CNTNAP5: variants seen among roughly 807,000 people sequenced by gnomAD.
CNTNAP5 encodes contactin associated protein family member 5.
In CNTNAP5, 72 loss-of-function variants were observed where a neutral mutation model predicts 150.2. The ratio of observed to expected loss-of-function variants is 0.48; its 90% confidence interval spans 0.40 to 0.58. CNTNAP5 has a LOEUF of 0.58. Among genes scored for constraint, CNTNAP5 ranks in the 20% least tolerant of loss-of-function variants. The pLI, the probability that CNTNAP5 is intolerant of heterozygous loss-of-function variation, is 0.00. For synonymous variants in CNTNAP5, 672 were observed against 619.8 expected, an observed-to-expected ratio of 1.08 and a Z score of -1.25; for missense variants, 1,636 against 1,626.2, an observed-to-expected ratio of 1.01 and a Z score of -0.10.
chr2:124,028,456 T>C (rs957536586), intron 1 of CNTNAP5, among the ~76,000 whole-genome samples: 2 of 152,128 alleles, frequency 1.3e-5, no homozygotes, highest in Admixed American at 1.3e-4. Flanking sequence ...AAAGTCAGGT[T>C]AGAAGGGCCA....
At chr2:124,397,960 T>G (rs1221310027) in intron 3 of CNTNAP5, among the ~76,000 whole-genome samples, 4 of 152,224 alleles carry the variant, frequency 2.6e-5, no homozygotes, top group Admixed American at 1.3e-4. Context: ...AGGAAATAAT[T>G]TCATGATAAC....
chr2:124,501,986 A>G lies in CNTNAP5; in HGVS notation c.1063-2306A>G, dbSNP rs73956305. 2.8e-3 allele frequency among the ~76,000 whole-genome samples: 430 copies of G among 152,274 alleles called. 7 individuals carry two copies. Among genetic ancestry groups the G allele is most frequent in the African/African-American group, 9.7e-3 (404 of 41,564 alleles). On this transcript the variant is annotated intron_variant, in intron 7 of 23. Coordinates refer to ENST00000682447, the MANE Select transcript of CNTNAP5 (RefSeq NM_001367498.1). ...CACAGGGGCAAGAATGATAGAGGGA[A>G]GTGTGAAGGGAATCGGGGGAAGGGA...
intron 11 of CNTNAP5, among the ~76,000 whole-genome samples, chr2:124,598,519 G>A (rs200124952): frequency 2.5e-4 from 30 of 118,972 alleles, no homozygotes; most frequent in African/African-American, 6.8e-4. Context: ...CTCCAGCTGC[G>A]TGCTGGGAGA....
chr2:124,845,966 T>A (rs1467776507), intron 19 of CNTNAP5, among the ~76,000 whole-genome samples: 7 of 150,674 alleles, frequency 4.6e-5, no homozygotes, highest in Non-Finnish European at 8.8e-5. Flanking sequence ...CTTCTGTATT[T>A]TGTCATTTTT....
intron 1 of CNTNAP5, among the ~76,000 whole-genome samples, chr2:124,025,972 G>T (rs144484381): frequency 1.3e-3 from 192 of 152,276 alleles, no homozygotes; most frequent in Non-Finnish European, 2.2e-3. Context: ...GATAAGGAAA[G>T]GTTTCTCTTC....
intron 17 of CNTNAP5, among the ~76,000 whole-genome samples, chr2:124,775,389 C>T (rs148620024): frequency 8.5e-5 from 13 of 152,238 alleles, no homozygotes; most frequent in East Asian, 3.9e-4. Flanking sequence ...ATATCATTGG[C>T]GTGTGCTTCT....
In CNTNAP5 at chr2:124,198,242, C is replaced by T. The variant is rs138028407; in HGVS notation, c.83-23463C>T. On this transcript the variant is annotated intron_variant, in intron 1 of 23. Coordinates refer to ENST00000682447, the MANE Select transcript of CNTNAP5 (RefSeq NM_001367498.1). ...GAATATTTTTCTACTGGGCCATCTG[C>T]CTTCTTTCAAATCGATTTGTAGAAA... Among the ~76,000 whole-genome samples, 7 of 151,916 alleles carry T rather than the reference C, an allele frequency of 4.6e-5. No individual in the cohort carries two copies. The East Asian group carries it at 9.7e-4, about 21-fold the overall frequency.
At chr2:124,724,175 A>AATAATAATGATG (rs539558593) in intron 13 of CNTNAP5, among the ~76,000 whole-genome samples, 3 of 149,658 alleles carry the variant, frequency 2.0e-5, no homozygotes, top group African/African-American at 7.4e-5. Context: ...TAATAATAAT[A>AATAATAATGATG]ATGATGATAC....
intron 1 of CNTNAP5, among the ~76,000 whole-genome samples, chr2:124,116,200 G>A (rs1008101733): frequency 2.6e-5 from 4 of 152,146 alleles, no homozygotes; most frequent in Non-Finnish European, 4.4e-5. Context: ...CTGGATAGTA[G>A]CTGAGGTTGT....
intron 16 of CNTNAP5, among the ~76,000 whole-genome samples, chr2:124,772,317 C>T (rs920024305): frequency 2.0e-5 from 3 of 152,110 alleles, no homozygotes; most frequent in Non-Finnish European, 2.9e-5. Flanking sequence ...TTGGACAAGG[C>T]GATACAACTT....
intron 1 of CNTNAP5, among the ~76,000 whole-genome samples, chr2:124,117,549 T>G (rs1396527470): frequency 6.6e-6 from 1 of 152,314 alleles, no homozygotes; most frequent in East Asian, 1.9e-4. Flanking sequence ...AGGAAAAGAA[T>G]ATTTAAACAA....
chr2:124,446,991 G>A, intron 6 of CNTNAP5, 54 bp downstream of exon 6: 3 of 1,554,728 alleles, frequency 1.9e-6, no homozygotes, highest in Non-Finnish European at 2.6e-6. Flanking sequence ...AATGAACGCA[G>A]CAAGAAAATC....
intron 14 of CNTNAP5, among the ~76,000 whole-genome samples, chr2:124,753,993 G>A (rs1680785258): frequency 6.6e-6 from 1 of 152,146 alleles, no homozygotes; most frequent in Non-Finnish European, 1.5e-5. Flanking sequence ...CTCCCCAAGG[G>A]CCCTGCATTC....
intron 10 of CNTNAP5, among the ~76,000 whole-genome samples, chr2:124,555,470 A>C (rs1695731247): frequency 1.3e-5 from 2 of 152,192 alleles, no homozygotes; most frequent in South Asian, 4.1e-4. Context: ...GGATTCAAAG[A>C]CCAAATATGA....
chr2:124,367,986 C>T (rs886729296), intron 3 of CNTNAP5, among the ~76,000 whole-genome samples: 11 of 152,244 alleles, frequency 7.2e-5, no homozygotes, highest in Non-Finnish European at 5.9e-5. Context: ...GAGAGTGTCA[C>T]GCTGGACATC....
chr2:124,175,955 A>G (rs1490153528), intron 1 of CNTNAP5, among the ~76,000 whole-genome samples: 1 of 152,202 alleles, frequency 6.6e-6, no homozygotes, highest in Admixed American at 6.5e-5. Context: ...TTGGGTCTAT[A>G]TGTGGTAATA....
chr2:124,300,177 A>C (rs1688539727), intron 3 of CNTNAP5, among the ~76,000 whole-genome samples: 1 of 152,226 alleles, frequency 6.6e-6, no homozygotes, highest in Non-Finnish European at 1.5e-5. Context: ...TCTGTGGATG[A>C]GAAAATCTAT....
chr2:124,443,851 T>A (rs886618403), intron 5 of CNTNAP5, among the ~76,000 whole-genome samples: 5 of 143,508 alleles, frequency 3.5e-5, no homozygotes, highest in African/African-American at 7.7e-5. Flanking sequence ...TGTGTGTGTG[T>A]GATGTATAAT....
chr2:124,343,540 A>G (rs561714102), intron 3 of CNTNAP5, among the ~76,000 whole-genome samples: 4 of 152,320 alleles, frequency 2.6e-5, no homozygotes, highest in African/African-American at 9.6e-5. Flanking sequence ...ATAAAATCAC[A>G]GGTCACCATA....
Sources: allele counts gnomAD v4.1 joint callset (sites outside exome capture counted in the v4.1 genomes callset), GRCh38; gene constraint gnomAD v4.1.1; transcripts MANE v1.5; gene names NCBI Gene and HGNC (gene_info 2026-07-23, HGNC 2026-07-21).